PUM2: variants seen among roughly 807,000 people sequenced by gnomAD.
The protein encoded by PUM2 is pumilio RNA binding family member 2, also known as pumilio homolog 2.
Under a neutral mutation model 124.5 loss-of-function variants are expected in PUM2, and 57 were observed. That is an observed-to-expected ratio of 0.46 (90% CI 0.37 to 0.57). The LOEUF is 0.57. Among genes scored for constraint, PUM2 ranks in the 20% least tolerant of loss-of-function variants. PUM2 has a pLI of 0.00. For missense variants in PUM2, 1,065 were observed against 1,290.6 expected (o/e 0.83, Z 2.68); for synonymous variants, 460 against 446.1 (o/e 1.03, Z -0.39).
At chr2:20,277,834 A>T (rs955254338) in intron 13 of PUM2, among the ~76,000 whole-genome samples, 6 of 152,182 alleles carry the variant, frequency 3.9e-5, no homozygotes, top group Non-Finnish European at 1.5e-5. Flanking sequence ...TTTTAAAAAA[A>T]TAATTTCTTT....
At chr2:20,325,690 C>T (rs1459676486) in intron 2 of PUM2, among the ~76,000 whole-genome samples, 4 of 150,462 alleles carry the variant, frequency 2.7e-5, no homozygotes, top group Admixed American at 6.6e-5. Context: ...GGTGCAATCT[C>T]GGCTCACTGC....
intron 1 of PUM2, among the ~76,000 whole-genome samples, chr2:20,344,846 C>T (rs1008315561): frequency 6.6e-6 from 1 of 151,384 alleles, no homozygotes; most frequent in Non-Finnish European, 1.5e-5. Flanking sequence ...AGCAGGGCTT[C>T]GTGGCGGGCG....
chr2:20,312,495 C>A, intron 3 of PUM2, 72 bp from the exon 4 acceptor site: 1 of 1,344,258 alleles, frequency 7.4e-7, no homozygotes, highest in South Asian at 1.4e-5. Flanking sequence ...AATTAATATA[C>A]TGAAGTAAGA....
Position 20,248,916 on chromosome 2 carries a change from C to T in PUM2, c.*2669G>A, listed in dbSNP as rs1442963361. The T allele has an allele frequency of 6.6e-6, 1 of 152,446 alleles. No homozygotes were observed. The highest frequency in any genetic ancestry group is 1.5e-5 in the Non-Finnish European group (1 of 68,016). 9.4% of individuals were successfully genotyped at this position (152,446 alleles called of 1,614,324 possible). A position where few individuals can be genotyped will look rare whatever the true frequency, so the allele number is the denominator to read the frequency against. ...AGAGTAAAGCCTAGGTAGTTTTGCC[C>T]AATTGTTTTATTCTGAAATGTGATT... On this transcript the variant is annotated 3_prime_UTR_variant, in exon 21 of 21. Transcript: ENST00000361078.
At chr2:20,342,141 AAAAG>A (rs1558687236) in intron 1 of PUM2, among the ~76,000 whole-genome samples, 2 of 151,900 alleles carry the variant, frequency 1.3e-5, no homozygotes, top group East Asian at 1.9e-4. Flanking sequence ...AAAAAAAAAA[AAAAG>A]AAAGAAAAAG....
At chr2:20,259,716 G>T (rs1490151656) in intron 15 of PUM2, among the ~76,000 whole-genome samples, 1 of 152,118 alleles carries the variant, frequency 6.6e-6, no homozygotes, top group African/African-American at 2.4e-5. Flanking sequence ...CCGCCTTTTG[G>T]CTATCGTGAA....
At chr2:20,305,859 T>G (rs1438926803) in intron 7 of PUM2, among the ~76,000 whole-genome samples, 1 of 152,074 alleles carries the variant, frequency 6.6e-6, no homozygotes, top group Non-Finnish European at 1.5e-5. Flanking sequence ...GAGAAAAATT[T>G]TAAAGCACTC....
intron 12 of PUM2, among the ~76,000 whole-genome samples, chr2:20,281,374 A>G (rs1388557476): frequency 1.3e-5 from 2 of 152,186 alleles, no homozygotes; most frequent in East Asian, 3.8e-4. Context: ...ACTAAGAAAC[A>G]AATGGAAATT....
In PUM2 at chr2:20,260,486, AAT is replaced by A; in HGVS notation, c.2226-22_2226-21del. On this transcript the variant is annotated intron_variant, in intron 14 of 20. Transcript: ENST00000361078. Reference sequence around the variant, plus strand: ...ATGAATCTACATAGGGAACATTTTTAATATGACAATATGTTTTTTAATACACT... The same window carrying A: ...ATGAATCTACATAGGGAACATTTTTAATGACAATATGTTTTTTAATACACT... 6.3e-7 allele frequency: 1 copy of A among 1,582,116 alleles called. No homozygotes were observed. Among genetic ancestry groups the A allele is most frequent in the Non-Finnish European group, 8.7e-7 (1 of 1,154,262 alleles).
chr2:20,323,418 A>G (rs1682855859), intron 2 of PUM2, among the ~76,000 whole-genome samples: 1 of 149,138 alleles, frequency 6.7e-6, no homozygotes, highest in Admixed American at 6.8e-5. Flanking sequence ...ACTGCACTCC[A>G]GCCTAGGCGA....
intron 6 of PUM2, 102 bp from the exon 7 acceptor site, chr2:20,308,173 T>C (rs2148536989): frequency 6.7e-7 from 1 of 1,484,340 alleles, no homozygotes; most frequent in East Asian, 2.4e-5. Context: ...TTGGGAGGAC[T>C]TTCTCAAATA....
At chr2:20,345,879 A>G (rs983400212) in intron 1 of PUM2, among the ~76,000 whole-genome samples, 2 of 152,192 alleles carry the variant, frequency 1.3e-5, no homozygotes, top group Non-Finnish European at 2.9e-5. Flanking sequence ...TCTCCAAAAA[A>G]CTTGTGCAGG....
In PUM2 at chr2:20,318,587, C is replaced by G; in HGVS notation, c.110G>C (p.Gly37Ala). 1 of 1,613,738 alleles carries G rather than the reference C, an allele frequency of 6.2e-7. No homozygotes were observed. Among genetic ancestry groups the G allele is most frequent in the Non-Finnish European group, 8.5e-7 (1 of 1,179,934 alleles). Reference protein sequence around the residue: ...PDDSTKDGQKGIFLGDDEWRE... With the variant: ...PDDSTKDGQKAIFLGDDEWRE... Reference sequence around the variant, plus strand: ...CCATTCATCATCCCCAAGAAATATGCCTTTTTGTCCATCTTTTGTTGAATC... The same window carrying G: ...CCATTCATCATCCCCAAGAAATATGGCTTTTTGTCCATCTTTTGTTGAATC... The change falls in exon 3 of 21, where the codon GGC (glycine) becomes GCC (alanine). Residue 37 changes from glycine to alanine, a missense_variant. Around this residue, in one of 3 missense-constraint regions of PUM2, gnomAD observed 90 missense variants for 103.6 expected, o/e 0.87. Coordinates refer to ENST00000361078, the MANE Select transcript of PUM2 (RefSeq NM_015317.5).
At chr2:20,295,892 T>C (rs1034277901) in intron 8 of PUM2, among the ~76,000 whole-genome samples, 5 of 152,240 alleles carry the variant, frequency 3.3e-5, no homozygotes, top group Non-Finnish European at 7.3e-5. Flanking sequence ...CTGGCTCACA[T>C]TGTATTTCTA....
intron 17 of PUM2, 67 bp from the exon 18 acceptor site, chr2:20,255,408 C>G (rs1319786425): frequency 6.9e-7 from 1 of 1,444,478 alleles, no homozygotes; most frequent in Non-Finnish European, 9.3e-7. Flanking sequence ...ATGAAGCAGA[C>G]TGGTTTGTTT....
intron 20 of PUM2, among the ~76,000 whole-genome samples, chr2:20,253,003 G>A (rs760820223): frequency 1.3e-5 from 2 of 152,152 alleles, no homozygotes; most frequent in Non-Finnish European, 2.9e-5. Flanking sequence ...ATATGTTTAG[G>A]TTATATGCAA....
chr2:20,318,257 T>A (rs1229538976), intron 3 of PUM2, among the ~76,000 whole-genome samples: 1 of 152,110 alleles, frequency 6.6e-6, no homozygotes, highest in African/African-American at 2.4e-5. Context: ...CTTGATAAAA[T>A]CTTACTGTGA....
At chr2:20,290,569 TGA>T in intron 10 of PUM2, 81 bp downstream of exon 10, 2 of 1,369,444 alleles carry the variant, frequency 1.5e-6, no homozygotes, top group South Asian at 3.3e-5. Flanking sequence ...AAATACAGTT[TGA>T]TTTTTTTCAC....
At chr2:20,328,394 C>A (rs1684170166) in intron 1 of PUM2, among the ~76,000 whole-genome samples, 1 of 152,102 alleles carries the variant, frequency 6.6e-6, no homozygotes, top group South Asian at 2.1e-4. Context: ...ACAACAGAAT[C>A]TAGAGCATCT....
Sources: allele counts gnomAD v4.1 joint callset (sites outside exome capture counted in the v4.1 genomes callset), GRCh38; gene constraint gnomAD v4.1.1; regional missense constraint gnomAD v4.1.1; transcripts MANE v1.5; gene names NCBI Gene and HGNC (gene_info 2026-07-23, HGNC 2026-07-21).